The following DNAJC24 variants were observed in gnomAD, a reference collection of about 807,000 sequenced individuals.
DNAJC24 encodes the protein DnaJ heat shock protein family (Hsp40) member C24.
Under a neutral mutation model 18.0 loss-of-function variants are expected in DNAJC24, and 17 were observed. That is an observed-to-expected ratio of 0.94 (90% CI 0.65 to 1.42). The LOEUF (loss-of-function observed/expected upper bound fraction) is 1.42. Ranked by LOEUF, DNAJC24 falls within the 40% of genes most tolerant of loss-of-function variation. The probability of loss-of-function intolerance (pLI) is 0.00; values close to 1 mark genes in which losing one functional copy is unlikely to be tolerated. For synonymous variants in DNAJC24, 55 were observed against 57.7 expected, an observed-to-expected ratio of 0.95 and a Z score of 0.21; for missense variants, 158 against 175.6, an observed-to-expected ratio of 0.90 and a Z score of 0.57.
At chr11:31,422,882 T>G (rs1049011398) in intron 3 of DNAJC24, among the ~76,000 whole-genome samples, 1 of 152,172 alleles carries the variant, frequency 6.6e-6, no homozygotes, top group African/African-American at 2.4e-5. Flanking sequence ...TGCCCCATCC[T>G]TGGACACCTG....
chr11:31,389,590 T>C (rs190207293), intron 2 of DNAJC24, among the ~76,000 whole-genome samples: 14 of 152,282 alleles, frequency 9.2e-5, no homozygotes, highest in Admixed American at 4.6e-4. Context: ...ACTTTCATCA[T>C]TGGACAGATC....
chr11:31,429,394 AATC>A lies in DNAJC24; in HGVS notation c.320-874_320-872del, dbSNP rs113458934. On this transcript the variant is annotated intron_variant, in intron 4 of 4. Transcript: ENST00000465995. ...TAATGGAATGAAGATATTTGTATGA[AATC>A]ATGAGTCCTTTGAGACTTATTTATG... 119 of 306,394 alleles carry A rather than the reference AATC, an allele frequency of 3.9e-4. 1 individual carries two copies. The highest frequency in any genetic ancestry group is 2.4e-3 in the African/African-American group (112 of 47,032). 19.0% of individuals were successfully genotyped at this position (306,394 alleles called of 1,614,324 possible). A position where few individuals can be genotyped will look rare whatever the true frequency, so the allele number is the denominator to read the frequency against.
intron 2 of DNAJC24, among the ~76,000 whole-genome samples, chr11:31,385,285 T>C (rs2086440130): frequency 6.6e-6 from 1 of 152,222 alleles, no homozygotes; most frequent in South Asian, 2.1e-4. Flanking sequence ...TCTTCCCAGA[T>C]ACATGAGTAG....
intron 3 of DNAJC24, chr11:31,415,433 A>G: frequency 6.6e-6 from 1 of 152,286 alleles, no homozygotes; most frequent in Admixed American, 6.5e-5. Flanking sequence ...TGTGATTGGT[A>G]TAAATGATAT....
intron 2 of DNAJC24, 35 bp from the exon 3 acceptor site, chr11:31,414,776 T>C: frequency 2.5e-6 from 4 of 1,589,642 alleles, no homozygotes; most frequent in Non-Finnish European, 1.7e-6. Flanking sequence ...CAGCTCTCTC[T>C]ACTCACCCCC....
chr11:31,413,507 AC>A (rs770439472), intron 2 of DNAJC24, among the ~76,000 whole-genome samples: 60 of 151,574 alleles, frequency 4.0e-4, no homozygotes, highest in East Asian at 1.6e-3. Context: ...ATATTTTTGT[AC>A]TTTTTAGTAG....
intron 2 of DNAJC24, among the ~76,000 whole-genome samples, chr11:31,407,886 T>G (rs770696153): frequency 1.3e-5 from 2 of 151,254 alleles, no homozygotes; most frequent in Non-Finnish European, 1.5e-5. Flanking sequence ...AGGTGAAGCC[T>G]GATACAAATT....
At chr11:31,407,236 C>T (rs571420046) in intron 2 of DNAJC24, among the ~76,000 whole-genome samples, 55 of 152,032 alleles carry the variant, frequency 3.6e-4, no homozygotes, top group Non-Finnish European at 6.2e-4. Context: ...TGCCCAGAGT[C>T]CTTTTCATGG....
chr11:31,382,500 AT>A (rs755285423), intron 2 of DNAJC24, among the ~76,000 whole-genome samples: 40 of 152,366 alleles, frequency 2.6e-4, no homozygotes, highest in Non-Finnish European at 5.0e-4. Flanking sequence ...TAATGACATT[AT>A]ACTAATTTAA....
At chr11:31,407,918 A>T (rs77506157) in intron 2 of DNAJC24, among the ~76,000 whole-genome samples, 24 of 151,704 alleles carry the variant, frequency 1.6e-4, no homozygotes, top group East Asian at 1.9e-4. Context: ...TTAAAAAAAA[A>T]AAAATAAACA....
chr11:31,429,529 T>G (rs1410856730), intron 4 of DNAJC24: 6 of 386,270 alleles, frequency 1.6e-5, no homozygotes, highest in Non-Finnish European at 3.4e-5. Context: ...GATCAGAGAT[T>G]CTTTAAGTCA....
In DNAJC24 at chr11:31,432,226, C is replaced by T. The variant is rs577939220; in HGVS notation, c.*1825C>T. Among the ~76,000 whole-genome samples the T allele has an allele frequency of 1.1e-3, 163 of 152,196 alleles. 2 individuals are homozygous for T. Among genetic ancestry groups the T allele is most frequent in the Non-Finnish European group, 1.6e-4 (11 of 67,998 alleles). On this transcript the variant is annotated 3_prime_UTR_variant, in exon 5 of 5. Transcript: ENST00000465995. ...ATTAGTTTCATTATACCTATAAGAA[C>T]AAGAATTCAAAAGTGAGGTAGTCAT...
intron 2 of DNAJC24, 34 bp from the exon 3 acceptor site, chr11:31,414,777 A>G (rs947718550): frequency 1.9e-6 from 3 of 1,589,248 alleles, no homozygotes; most frequent in African/African-American, 1.4e-5. Flanking sequence ...AGCTCTCTCT[A>G]CTCACCCCCT....
chr11:31,414,827 A>G lies in DNAJC24; in HGVS notation c.128A>G (p.Gln43Arg), dbSNP rs373436499. ...GATTGGCAGTATCATCCAGATAAAC[A>G]AAGTACAGATGTACCAGCAGGAACA... ...KLILMYHPDK[Q>R]STDVPAGTVE... The change falls in exon 3 of 5, where the codon CAA becomes CGA. Residue 43 changes from glutamine (Q) to arginine (R), a missense_variant. By Grantham distance (43) the Gln-to-Arg change is conservative (BLOSUM62 1). Transcript: ENST00000465995. 5.5e-5 allele frequency: 89 copies of G among 1,613,476 alleles called. 1 individual carries two copies. The Admixed American group carries it at 7.3e-4, about 13-fold the overall frequency.
chr11:31,372,130 T>C (rs1013999945), intron 2 of DNAJC24, among the ~76,000 whole-genome samples: 21 of 152,032 alleles, frequency 1.4e-4, no homozygotes, highest in African/African-American at 4.8e-4. Context: ...GCCGACTCTT[T>C]TTTTTTTAAA....
rs1430848553 is a variant in DNAJC24, at chr11:31,370,767, A to T, written c.19A>T (p.Met7Leu). The change falls in exon 2 of 5, where the codon ATG (methionine) becomes TTG (leucine). Residue 7 changes from methionine (M) to leucine (L), a missense_variant. By Grantham distance (15) the Met-to-Leu change is conservative (BLOSUM62 2). Transcript: ENST00000465995. ...TCCATGGATGATGGCGGTTGAGCAG[A>T]TGCCAAAAAAGGATTGGTACAGCAT... Reference protein sequence around the residue: MMAVEQMPKKDWYSILG... With the variant: MMAVEQLPKKDWYSILG... 6.2e-7 allele frequency: 1 copy of T among 1,610,006 alleles called. No individual in the cohort carries two copies. Among genetic ancestry groups the T allele is most frequent in the Non-Finnish European group, 8.5e-7 (1 of 1,178,676 alleles).
chr11:31,381,638 TATCTC>T (rs1952377980), intron 2 of DNAJC24, among the ~76,000 whole-genome samples: 2 of 151,918 alleles, frequency 1.3e-5, no homozygotes, highest in East Asian at 3.9e-4. Context: ...ACAGGGATGT[TATCTC>T]AGCTCATTGC....
chr11:31,408,692 A>T (rs1435063562), intron 2 of DNAJC24, among the ~76,000 whole-genome samples: 1 of 152,160 alleles, frequency 6.6e-6, no homozygotes, highest in Non-Finnish European at 1.5e-5. Flanking sequence ...TTATTTTTGT[A>T]TCAAGAAAGT....
intron 2 of DNAJC24, among the ~76,000 whole-genome samples, chr11:31,397,969 A>C (rs1055279472): frequency 8.6e-5 from 13 of 151,906 alleles, no homozygotes; most frequent in African/African-American, 3.1e-4. Flanking sequence ...TGCCCAGCTA[A>C]TTTTTGTATT....
Sources: gnomAD v4.1 joint callset for allele counts (sites outside exome capture counted in the v4.1 genomes callset) on GRCh38, gnomAD v4.1.1 for gene constraint, MANE v1.5 for transcripts, NCBI Gene and HGNC (gene_info 2026-07-23, HGNC 2026-07-21) for gene names.